Variants in PANK3 observed in about 807,000 individuals in gnomAD.
The protein encoded by PANK3 is pantothenate kinase 3, also known as hPanK3.
PANK3 carries 20 observed loss-of-function variants against 39.4 expected under a neutral mutation model. The observed-to-expected ratio is 0.51, with a 90% CI of 0.36 to 0.74. The LOEUF (loss-of-function observed/expected upper bound fraction) is 0.74. Among genes scored for constraint, PANK3 ranks in the 30% least tolerant of loss-of-function variants. The pLI, the probability that PANK3 is intolerant of heterozygous loss-of-function variation, is 0.00. For synonymous variants in PANK3, 140 were observed against 157.3 expected, an observed-to-expected ratio of 0.89 and a Z score of 0.82; for missense variants, 265 against 437.0, an observed-to-expected ratio of 0.61 and a Z score of 3.51.
chr5:168,568,227 T>A (rs534946230), intron 2 of PANK3, among the ~76,000 whole-genome samples: 6 of 152,290 alleles, frequency 3.9e-5, no homozygotes, highest in Admixed American at 1.3e-4. Context: ...CCAAAAGACA[T>A]TGGTTTCCAG....
chr5:168,557,360 A>C lies in PANK3; in HGVS notation c.*211T>G. On this transcript the variant is annotated 3_prime_UTR_variant, in exon 7 of 7. Coordinates refer to ENST00000239231, the MANE Select transcript of PANK3 (RefSeq NM_024594.4). Reference sequence around the variant, plus strand: ...AATAATCAGAGGCTGTATTGCATTTAAGGATTTAACACTGGCTATATACAA... The same window carrying C: ...AATAATCAGAGGCTGTATTGCATTTCAGGATTTAACACTGGCTATATACAA... 1.8e-6 allele frequency: 1 copy of C among 542,556 alleles called. No individual in the cohort carries two copies. Among genetic ancestry groups the C allele is most frequent in the Non-Finnish European group, 3.2e-6 (1 of 308,002 alleles). 33.6% of individuals were successfully genotyped at this position (542,556 alleles called of 1,614,324 possible).
intron 1 of PANK3, among the ~76,000 whole-genome samples, chr5:168,574,180 T>C (rs369064424): frequency 2.7e-5 from 4 of 150,586 alleles, no homozygotes; most frequent in East Asian, 2.0e-4. Context: ...CCAGCACCTG[T>C]TGTTTCCTGA....
In PANK3 at chr5:168,568,828, G is replaced by A; in HGVS notation, c.199C>T (p.His67Tyr). 6.2e-7 allele frequency: 1 copy of A among 1,613,830 alleles called. No homozygotes were observed. Among genetic ancestry groups the A allele is most frequent in the Non-Finnish European group, 8.5e-7 (1 of 1,179,982 alleles). The change falls in exon 2 of 7, where the codon CAC (histidine) becomes TAC (tyrosine). Residue 67 changes from histidine to tyrosine, a missense_variant. Physicochemically the swap from His to Tyr is moderately conservative, Grantham distance 83. This residue lies in a region of PANK3 where 154 missense variants were observed against 256.8 expected (regional missense o/e 0.60). Transcript: ENST00000239231. ...AGTGTTAAATCTTTCAGTTCAAGGT[G>A]TACATCCCGAATGCCGGTGGATCCA... The part of the protein sequence containing the change: ...AYGSTGIRDV[H>Y]LELKDLTLFG...
At position 168,548,764 on chromosome 5, in the gene PANK3, G is replaced by GA. The variant is rs1491280543; in HGVS notation, c.*8806dup. ...TTTACATAAGATACTGTACATAAAT[G>GA]AAAAAATAAATTAGGTAATTTACAA... On this transcript the variant is annotated 3_prime_UTR_variant, in exon 7 of 7. Transcript: ENST00000239231. 6.6e-6 allele frequency: 1 copy of GA among 152,006 alleles called. No individual in the cohort carries two copies. Among genetic ancestry groups the GA allele is most frequent in the Admixed American group, 6.5e-5 (1 of 15,274 alleles). The allele number at this position is 152,006 out of a possible 1,614,324, so 9.4% of individuals were successfully genotyped here.
chr5:168,563,305 TA>T (rs1438137795), intron 4 of PANK3, among the ~76,000 whole-genome samples: 1 of 152,208 alleles, frequency 6.6e-6, no homozygotes, highest in Non-Finnish European at 1.5e-5. Flanking sequence ...GCAAGGCTCT[TA>T]ACCCCAGTGT....
Position 168,557,603 on chromosome 5 carries a change from C to G in PANK3, c.1081G>C (p.Gly361Arg). 6.2e-7 allele frequency: 1 copy of G among 1,613,846 alleles called. No individual in the cohort carries two copies. Among genetic ancestry groups the G allele is most frequent in the Non-Finnish European group, 8.5e-7 (1 of 1,179,852 alleles). ...LEHEGYFGAV[G>R]ALLGLPNFS ...AAATTTGGCAGCCCAAGAAGTGCAC[C>G]AACTGCTCCAAAGTAACCCTGTGTA... The change falls in exon 7 of 7, where the codon GGT becomes CGT. Residue 361 changes from glycine to arginine, a missense_variant. Coordinates refer to ENST00000239231, the MANE Select transcript of PANK3 (RefSeq NM_024594.4).
At chr5:168,572,176 T>C (rs1268745496) in intron 1 of PANK3, among the ~76,000 whole-genome samples, 2 of 145,114 alleles carry the variant, frequency 1.4e-5, no homozygotes, top group Non-Finnish European at 3.0e-5. Flanking sequence ...TGCAGTGGCA[T>C]GATCTCTGCT....
intron 1 of PANK3, among the ~76,000 whole-genome samples, chr5:168,573,668 TC>T (rs1158554359): frequency 2.1e-5 from 1 of 48,236 alleles, no homozygotes; most frequent in Non-Finnish European, 3.7e-5. Context: ...CCCTCCCCCC[TC>T]CCCCCACCCC....
chr5:168,568,788 C>A lies in PANK3; in HGVS notation c.239G>T (p.Gly80Val). The change falls in exon 2 of 7, where the codon GGG (glycine) becomes GTG (valine). Residue 80 changes from glycine (G) to valine (V), a missense_variant. Transcript: ENST00000239231. ...LKDLTLFGRR[G>V]NLHFIRFPTQ... The stretch of plus-strand genomic sequence containing the variant: ...TGGAAACCTGATAAAGTGCAAGTTC[C>A]CTCTTCGGCCAAAAAGTGTTAAATC... The A allele has an allele frequency of 6.2e-7, 1 of 1,613,954 alleles. No homozygotes were observed. Among genetic ancestry groups the A allele is most frequent in the Non-Finnish European group, 8.5e-7 (1 of 1,179,968 alleles).
In PANK3 at chr5:168,554,128, T is replaced by C. The variant is rs530851329; in HGVS notation, c.*3443A>G. Reference sequence around the variant, plus strand: ...GGAATTTATTCTCTCTTTTGTATTTTTGATAGTGATTACAAAGTTTTTCAG... The same window carrying C: ...GGAATTTATTCTCTCTTTTGTATTTCTGATAGTGATTACAAAGTTTTTCAG... On this transcript the variant is annotated 3_prime_UTR_variant, in exon 7 of 7. Transcript: ENST00000239231. 5 of 152,332 alleles carry C rather than the reference T, an allele frequency of 3.3e-5. 1 individual carries two copies. In the South Asian group the frequency reaches 1.0e-3, roughly 32 times the overall value. The allele number at this position is 152,332 out of a possible 1,614,324, so 9.4% of individuals were successfully genotyped here.
In PANK3 at chr5:168,565,272, A is replaced by T. The variant is rs143963836; in HGVS notation, c.635+741T>A. 8.4e-3 allele frequency among the ~76,000 whole-genome samples: 1,285 copies of T among 152,308 alleles called. 9 individuals are homozygous for T. The highest frequency in any genetic ancestry group is 0.012 in the Non-Finnish European group (823 of 68,024). ...AACTGGAATCTTCACCTCTCTGTAA[A>T]AGTTGATAAAATACATAAAAGAATC... On this transcript the variant is annotated intron_variant, in intron 3 of 6. Transcript: ENST00000239231.
At chr5:168,575,306 A>G (rs943892498) in intron 1 of PANK3, among the ~76,000 whole-genome samples, 17 of 152,232 alleles carry the variant, frequency 1.1e-4, no homozygotes, top group Non-Finnish European at 1.8e-4. Flanking sequence ...TACCAGACGC[A>G]TTATATATGC....
intron 1 of PANK3, among the ~76,000 whole-genome samples, chr5:168,569,270 C>A (rs374224369): frequency 4.4e-4 from 65 of 148,214 alleles, no homozygotes; most frequent in African/African-American, 1.5e-3. Flanking sequence ...CTGCAAACTC[C>A]GCCTCCCGGG....
At chr5:168,569,457 G>A (rs1759592394) in intron 1 of PANK3, among the ~76,000 whole-genome samples, 1 of 151,762 alleles carries the variant, frequency 6.6e-6, no homozygotes, top group African/African-American at 2.4e-5. Flanking sequence ...CTCCCAAAGT[G>A]CTGGGATTGC....
In PANK3 at chr5:168,551,677, T is replaced by C. The variant is rs1194361912; in HGVS notation, c.*5894A>G. On this transcript the variant is annotated 3_prime_UTR_variant, in exon 7 of 7. Coordinates refer to ENST00000239231, the MANE Select transcript of PANK3 (RefSeq NM_024594.4). Reference sequence around the variant, plus strand: ...ATACTGCTGGAATAAGAGGAAAACCTTTCCACTTTGTGCTGCATCATTCTG... The same window carrying C: ...ATACTGCTGGAATAAGAGGAAAACCCTTCCACTTTGTGCTGCATCATTCTG... 1 of 152,178 alleles carries C rather than the reference T, an allele frequency of 6.6e-6. No homozygotes were observed. Among genetic ancestry groups the C allele is most frequent in the Non-Finnish European group, 1.5e-5 (1 of 68,016 alleles). The allele number at this position is 152,178 out of a possible 1,614,324, so 9.4% of individuals were successfully genotyped here.
In PANK3 at chr5:168,556,239, C is replaced by CT. The variant is rs1759346758; in HGVS notation, c.*1331dup. On this transcript the variant is annotated 3_prime_UTR_variant, in exon 7 of 7. Coordinates refer to ENST00000239231, the MANE Select transcript of PANK3 (RefSeq NM_024594.4). ...GGGCTGTTGGGAAGTGGAAGGCATT[C>CT]TTTTAAGGGGATAAGAAGCAAATGG... 6.6e-6 allele frequency: 1 copy of CT among 152,200 alleles called. No homozygotes were observed. Among genetic ancestry groups the CT allele is most frequent in the Non-Finnish European group, 1.5e-5 (1 of 68,070 alleles). The allele number at this position is 152,200 out of a possible 1,614,324, so 9.4% of individuals were successfully genotyped here.
intron 4 of PANK3, among the ~76,000 whole-genome samples, chr5:168,563,109 A>G (rs910170626): frequency 6.6e-6 from 1 of 152,318 alleles, no homozygotes; most frequent in South Asian, 2.1e-4. Flanking sequence ...TTTAAGTATA[A>G]AAATACCACC....
At chr5:168,565,975 C>T in intron 3 of PANK3, 38 bp downstream of exon 3, 1 of 1,570,528 alleles carries the variant, frequency 6.4e-7, no homozygotes, top group African/African-American at 1.4e-5. Flanking sequence ...GTGTATAAAA[C>T]AATGTGAATG....
chr5:168,563,747 T>C, intron 4 of PANK3, 142 bp downstream of exon 4: 1 of 615,346 alleles, frequency 1.6e-6, no homozygotes, highest in Non-Finnish European at 2.5e-6. Context: ...AATTTTTAAA[T>C]GACATCAATG....
Sources: allele counts gnomAD v4.1 joint callset (sites outside exome capture counted in the v4.1 genomes callset), GRCh38; gene constraint gnomAD v4.1.1; regional missense constraint gnomAD v4.1.1; transcripts MANE v1.5; gene names NCBI Gene and HGNC (gene_info 2026-07-23, HGNC 2026-07-21).